The following THRB variants were observed in gnomAD, a reference collection of about 807,000 sequenced individuals.
THRB encodes the protein nuclear receptor subfamily 1 group A member 2.
Under a neutral mutation model 47.8 loss-of-function variants are expected in THRB, and 12 were observed. That is an observed-to-expected ratio of 0.25 (90% confidence interval 0.16 to 0.41). The LOEUF (loss-of-function observed/expected upper bound fraction) is 0.41, where lower values mean the gene tolerates loss of function less well. Among genes scored for constraint, THRB ranks in the 10% least tolerant of loss-of-function variants. The pLI is 1.00. For synonymous variants in THRB, 218 were observed against 212.2 expected, an observed-to-expected ratio of 1.03 and a Z score of -0.24; for missense variants, 348 against 589.2, an observed-to-expected ratio of 0.59 and a Z score of 4.24.
rs916179267 is a variant in THRB at position 24,399,695 on chromosome 3, G to C, written c.-260-62324C>G. On this transcript the variant is annotated intron_variant, in intron 1 of 10. Coordinates refer to ENST00000646209, the MANE Select transcript of THRB (RefSeq NM_001354712.2). ...TACAGACTCTTCTGGCTGAAAAACA[G>C]CTTAAGAATGACCTATGTCACTTTC... Among the ~76,000 whole-genome samples, 3 of 152,074 alleles carry C rather than the reference G, an allele frequency of 2.0e-5. No homozygotes were observed. In the South Asian group the frequency reaches 6.2e-4, roughly 32 times the overall value.
intron 1 of THRB, among the ~76,000 whole-genome samples, chr3:24,481,227 C>CTTT (rs1696311497): frequency 2.0e-5 from 1 of 49,938 alleles, no homozygotes; most frequent in African/African-American, 9.6e-5. Flanking sequence ...GCGTTTCTTT[C>CTTT]TGTTTTTTTT....
chr3:24,210,800 G>T (rs761879491), intron 4 of THRB, among the ~76,000 whole-genome samples: 22 of 152,226 alleles, frequency 1.4e-4, no homozygotes, highest in Non-Finnish European at 2.4e-4. Flanking sequence ...AGTGCTAGCA[G>T]AAACCTATTT....
At chr3:24,414,930 A>G (rs1401059772) in intron 1 of THRB, among the ~76,000 whole-genome samples, 1 of 151,902 alleles carries the variant, frequency 6.6e-6, no homozygotes, top group East Asian at 2.0e-4. Context: ...GGCTCAAGTT[A>G]ATGTGTTCAA....
At chr3:24,158,660 T>C (rs78724181) in intron 5 of THRB, among the ~76,000 whole-genome samples, 10,154 of 152,180 alleles carry the variant, frequency 0.067, 551 homozygotes, top group African/African-American at 0.14. Flanking sequence ...GAAATCCTGA[T>C]CTCAGGTAGT....
At chr3:24,303,694 A>G (rs1158736371) in intron 2 of THRB, among the ~76,000 whole-genome samples, 4 of 152,190 alleles carry the variant, frequency 2.6e-5, no homozygotes, top group Non-Finnish European at 5.9e-5. Context: ...TAATTTTACT[A>G]CAAGGAGCCT....
intron 1 of THRB, among the ~76,000 whole-genome samples, chr3:24,379,896 G>T (rs2135147): frequency 0.53 from 79,931 of 151,114 alleles, 22,055 homozygotes; most frequent in African/African-American, 0.69. Context: ...CAGAAAAATT[G>T]GGACCTACCT....
chr3:24,485,631 A>G (rs1349129662), intron 1 of THRB, among the ~76,000 whole-genome samples: 1 of 152,228 alleles, frequency 6.6e-6, no homozygotes, highest in Non-Finnish European at 1.5e-5. Flanking sequence ...GGTCCTCGCC[A>G]TCTGGCTCCT....
chr3:24,340,985 C>T (rs567493259), intron 1 of THRB, among the ~76,000 whole-genome samples: 1 of 151,326 alleles, frequency 6.6e-6, no homozygotes, highest in South Asian at 2.1e-4. Context: ...TTCCTTCCTG[C>T]GTTCCTTTCA....
At chr3:24,205,150 C>A (rs909595497) in intron 4 of THRB, among the ~76,000 whole-genome samples, 1 of 152,106 alleles carries the variant, frequency 6.6e-6, no homozygotes, top group Non-Finnish European at 1.5e-5. Flanking sequence ...GAAAGACAGA[C>A]AACACCACAA....
At chr3:24,190,999 G>A (rs1221824536) in intron 4 of THRB, among the ~76,000 whole-genome samples, 1 of 152,088 alleles carries the variant, frequency 6.6e-6, no homozygotes, top group Non-Finnish European at 1.5e-5. Context: ...TTAGGTGTGG[G>A]ACAAATTAAG....
chr3:24,304,773 A>G (rs2057220493), intron 2 of THRB, among the ~76,000 whole-genome samples: 3 of 152,212 alleles, frequency 2.0e-5, no homozygotes, highest in African/African-American at 7.2e-5. Flanking sequence ...TCTTATTAAT[A>G]TGATTAAAGG....
chr3:24,288,938 T>C (rs899430801), intron 3 of THRB, among the ~76,000 whole-genome samples: 2 of 152,214 alleles, frequency 1.3e-5, no homozygotes, highest in Non-Finnish European at 2.9e-5. Flanking sequence ...TGGTCATCAA[T>C]TGGAAAGCCA....
chr3:24,385,499 A>C (rs1184908915), intron 1 of THRB, among the ~76,000 whole-genome samples: 1 of 151,858 alleles, frequency 6.6e-6, no homozygotes, highest in Non-Finnish European at 1.5e-5. Flanking sequence ...CACACTCTCT[A>C]AGTGTTGGGG....
At position 24,197,775 on chromosome 3, in the gene THRB, C is replaced by T. The variant is rs73138674; in HGVS notation, c.23-7441G>A. On this transcript the variant is annotated intron_variant, in intron 4 of 10. Coordinates refer to ENST00000646209, the MANE Select transcript of THRB (RefSeq NM_001354712.2). ...GCCATAACTGGTTAGCATCAAAGTTCTGCAACAAAAGGCAGCTCAGCCATC... is the reference window on the plus strand; with the variant it reads ...GCCATAACTGGTTAGCATCAAAGTTTTGCAACAAAAGGCAGCTCAGCCATC... Among the ~76,000 whole-genome samples, 1,006 of 152,348 alleles carry T rather than the reference C, an allele frequency of 6.6e-3. 12 individuals are homozygous for T. Among genetic ancestry groups the T allele is most frequent in the African/African-American group, 0.022 (932 of 41,576 alleles).
At chr3:24,278,347 T>G (rs2054155315) in intron 3 of THRB, among the ~76,000 whole-genome samples, 1 of 152,188 alleles carries the variant, frequency 6.6e-6, no homozygotes, top group Non-Finnish European at 1.5e-5. Context: ...GTGTTAAAAT[T>G]GGTAAGACTT....
chr3:24,211,887 T>C (rs1239448088), intron 4 of THRB, among the ~76,000 whole-genome samples: 1 of 152,252 alleles, frequency 6.6e-6, no homozygotes, highest in Non-Finnish European at 1.5e-5. Flanking sequence ...CCTAGTTCAA[T>C]GGGCTCTGAG....
At chr3:24,141,018 C>G (rs2035372680) in intron 8 of THRB, among the ~76,000 whole-genome samples, 1 of 152,184 alleles carries the variant, frequency 6.6e-6, no homozygotes, top group Non-Finnish European at 1.5e-5. Context: ...CTGATCCTTC[C>G]CAATAACCCT....
At chr3:24,221,150 G>A (rs566562363) in intron 4 of THRB, among the ~76,000 whole-genome samples, 2 of 152,338 alleles carry the variant, frequency 1.3e-5, no homozygotes, top group African/African-American at 4.8e-5. Context: ...AAGCGCCTGG[G>A]ACTTTTCAGA....
chr3:24,373,299 A>G (rs150772351), intron 1 of THRB, among the ~76,000 whole-genome samples: 150 of 152,266 alleles, frequency 9.9e-4, no homozygotes, highest in African/African-American at 3.5e-3. Flanking sequence ...GTGCAAACAC[A>G]CTGAAAATAA....
Sources: gnomAD v4.1 joint callset for allele counts (sites outside exome capture counted in the v4.1 genomes callset) on GRCh38, gnomAD v4.1.1 for gene constraint, MANE v1.5 for transcripts, NCBI Gene and HGNC (gene_info 2026-07-23, HGNC 2026-07-21) for gene names.